CCDC102B: variants seen among roughly 807,000 people sequenced by gnomAD.
The protein encoded by CCDC102B is coiled-coil domain containing 102B.
CCDC102B carries 75 observed loss-of-function variants against 57.4 expected under a neutral mutation model. That is an observed-to-expected ratio of 1.31 (90% CI 1.08 to 1.58). The LOEUF (loss-of-function observed/expected upper bound fraction) is 1.58. Among genes scored for constraint, CCDC102B ranks in the 40% most tolerant of loss-of-function variants. CCDC102B has a pLI of 0.00. For synonymous variants in CCDC102B, 206 were observed against 201.9 expected (o/e 1.02, Z -0.17); for missense variants, 636 against 582.6 (o/e 1.09, Z -0.94).
chr18:68,778,500 T>G (rs73456157), intron 2 of CCDC102B, among the ~76,000 whole-genome samples: 3,668 of 152,224 alleles, frequency 0.024, 140 homozygotes, highest in African/African-American at 0.083. Context: ...GATTCAGAGA[T>G]AAACAGGATT....
At chr18:68,912,460 G>A (rs1184538021) in intron 6 of CCDC102B, among the ~76,000 whole-genome samples, 2 of 152,206 alleles carry the variant, frequency 1.3e-5, no homozygotes, top group South Asian at 2.1e-4. Context: ...ATCCTAGGCC[G>A]TCTGAGTCAG....
At chr18:68,752,006 A>G (rs2033869639) in intron 2 of CCDC102B, among the ~76,000 whole-genome samples, 1 of 152,232 alleles carries the variant, frequency 6.6e-6, no homozygotes, top group Admixed American at 6.5e-5. Context: ...TCACGCCTAT[A>G]ATCCCAGCAC....
intron 6 of CCDC102B, among the ~76,000 whole-genome samples, chr18:68,958,814 G>A (rs908629833): frequency 1.3e-5 from 2 of 152,014 alleles, no homozygotes; most frequent in Non-Finnish European, 2.9e-5. Context: ...TATGTCAATT[G>A]CATTTTTCAG....
intron 2 of CCDC102B, among the ~76,000 whole-genome samples, chr18:68,765,353 G>GAAAGAA (rs2034419109): frequency 1.7e-5 from 2 of 119,458 alleles, no homozygotes; most frequent in Admixed American, 9.0e-5. Context: ...AAGAAAGAAA[G>GAAAGAA]AAAGAAAGAA....
At chr18:68,729,712 TA>T (rs2032771455) in intron 2 of CCDC102B, among the ~76,000 whole-genome samples, 2 of 152,130 alleles carry the variant, frequency 1.3e-5, no homozygotes, top group Admixed American at 1.3e-4. Flanking sequence ...GATAAGAATA[TA>T]TAGAACATCT....
intron 7 of CCDC102B, among the ~76,000 whole-genome samples, chr18:69,013,817 C>A (rs1365009820): frequency 6.6e-6 from 1 of 152,148 alleles, no homozygotes; most frequent in Non-Finnish European, 1.5e-5. Context: ...TCTGTGACTT[C>A]CTGATTGTAA....
intron 6 of CCDC102B, among the ~76,000 whole-genome samples, chr18:68,965,731 G>A (rs1468440208): frequency 1.3e-5 from 2 of 151,670 alleles, no homozygotes; most frequent in African/African-American, 4.8e-5. Flanking sequence ...TTTTCCATTT[G>A]AGTTGAAATT....
At chr18:68,793,758 T>C (rs946144571), upstream of CCDC102B, among the ~76,000 whole-genome samples, 1 of 152,176 alleles carries the variant, frequency 6.6e-6, no homozygotes, top group Non-Finnish European at 1.5e-5. Flanking sequence ...AATATTAAAA[T>C]ATAAATACAA....
chr18:68,948,211 T>C (rs1221908607), intron 6 of CCDC102B, among the ~76,000 whole-genome samples: 1 of 152,128 alleles, frequency 6.6e-6, no homozygotes, highest in Admixed American at 6.6e-5. Flanking sequence ...ATGATAACAA[T>C]TATGAAAATA....
Position 69,054,785 on chromosome 18 carries a change from G to A in CCDC102B, c.*648G>A, listed in dbSNP as rs1394856646. ...TCGCTGAGAAACTAAAAGGACTTTT[G>A]ACTTTTATCTGGATAGACATTTCTA... On this transcript the variant is annotated 3_prime_UTR_variant, in exon 8 of 8. Coordinates refer to ENST00000360242, the MANE Select transcript of CCDC102B (RefSeq NM_024781.3). 1.0e-6 allele frequency: 1 copy of A among 985,138 alleles called. No homozygotes were observed. Among genetic ancestry groups the A allele is most frequent in the African/African-American group, 1.7e-5 (1 of 57,212 alleles). 61.0% of individuals were successfully genotyped at this position (985,138 alleles called of 1,614,324 possible). A position where few individuals can be genotyped will look rare whatever the true frequency, so the allele number is the denominator to read the frequency against.
At chr18:68,776,323 T>C (rs2144624193) in intron 2 of CCDC102B, among the ~76,000 whole-genome samples, 1 of 152,314 alleles carries the variant, frequency 6.6e-6, no homozygotes, top group East Asian at 1.9e-4. Flanking sequence ...TCATAATTTC[T>C]TGACTTTGCT....
At chr18:68,863,250 C>A (rs1369421256) in intron 4 of CCDC102B, among the ~76,000 whole-genome samples, 1 of 151,516 alleles carries the variant, frequency 6.6e-6, no homozygotes, top group African/African-American at 2.4e-5. Context: ...AAATCTAGAT[C>A]ATTTATCCTG....
chr18:69,002,127 A>T (rs1036947763), intron 6 of CCDC102B, among the ~76,000 whole-genome samples: 23 of 152,294 alleles, frequency 1.5e-4, no homozygotes, highest in African/African-American at 5.5e-4. Context: ...AACAATTAAA[A>T]CAACAACACT....
chr18:68,907,600 CAT>C (rs1363067537), intron 6 of CCDC102B, among the ~76,000 whole-genome samples: 2 of 152,106 alleles, frequency 1.3e-5, no homozygotes, highest in African/African-American at 4.8e-5. Context: ...GATCATTGCT[CAT>C]ATGTAGAAGC....
At chr18:68,855,007 C>T (rs1814528922) in intron 4 of CCDC102B, among the ~76,000 whole-genome samples, 1 of 152,158 alleles carries the variant, frequency 6.6e-6, no homozygotes, top group South Asian at 2.1e-4. Context: ...AGGTCAGACT[C>T]TTATTCCCAA....
intron 4 of CCDC102B, among the ~76,000 whole-genome samples, chr18:68,855,809 T>TA (rs2038358101): frequency 7.3e-6 from 1 of 137,018 alleles, no homozygotes; most frequent in African/African-American, 2.6e-5. Context: ...ATATACATGA[T>TA]GTTTTTTTGA....
At chr18:68,722,017 A>G (rs1433471011) in intron 2 of CCDC102B, among the ~76,000 whole-genome samples, 1 of 152,226 alleles carries the variant, frequency 6.6e-6, no homozygotes, top group African/African-American at 2.4e-5. Flanking sequence ...AAGGGAGGAA[A>G]CAACCGAAGT....
At chr18:68,968,811 A>G (rs1454494304) in intron 6 of CCDC102B, among the ~76,000 whole-genome samples, 2 of 152,132 alleles carry the variant, frequency 1.3e-5, no homozygotes, top group Non-Finnish European at 2.9e-5. Flanking sequence ...CTCATGACGG[A>G]CAGATTTTAC....
At chr18:68,792,166 AT>A (rs1280500451) in intron 2 of CCDC102B, among the ~76,000 whole-genome samples, 3 of 152,220 alleles carry the variant, frequency 2.0e-5, no homozygotes, top group Non-Finnish European at 4.4e-5. Context: ...TAATGACTAT[AT>A]TTTTAATCCT....
Sources: allele counts gnomAD v4.1 joint callset (sites outside exome capture counted in the v4.1 genomes callset), GRCh38; gene constraint gnomAD v4.1.1; transcripts MANE v1.5; gene names NCBI Gene and HGNC (gene_info 2026-07-23, HGNC 2026-07-21).